Variants in BACE2 observed in about 807,000 individuals in gnomAD.
The protein encoded by BACE2 is 56 kDa aspartic-like protease.
In BACE2, 17 loss-of-function variants were observed where a neutral mutation model predicts 46.2. That is an observed-to-expected ratio of 0.37 (90% CI 0.25 to 0.55). The LOEUF (loss-of-function observed/expected upper bound fraction) is 0.55. Ranked by LOEUF, BACE2 falls within the 20% of genes least tolerant of loss-of-function variation. The pLI is 0.82. For missense variants in BACE2, 595 were observed against 698.1 expected, an observed-to-expected ratio of 0.85 and a Z score of 1.66; for synonymous variants, 277 against 295.9, an observed-to-expected ratio of 0.94 and a Z score of 0.66.
intron 7 of BACE2, among the ~76,000 whole-genome samples, chr21:41,255,352 G>A (rs944551883): frequency 1.3e-5 from 2 of 152,162 alleles, no homozygotes; most frequent in Non-Finnish European, 2.9e-5. Context: ...ACCCAAGGAG[G>A]GAAGATTGAG....
In BACE2 at chr21:41,245,968, G is replaced by A. The variant is rs376701209; in HGVS notation, c.889G>A (p.Ala297Thr). The A allele has an allele frequency of 4.2e-5, 67 of 1,608,020 alleles. No individual in the cohort carries two copies. Among genetic ancestry groups the A allele is most frequent in the Non-Finnish European group, 5.3e-5 (62 of 1,177,204 alleles). Residue 297 changes from alanine to threonine, a missense_variant, in exon 6 of 9, where the codon GCA (alanine) becomes ACA (threonine). Physicochemically the swap from Ala to Thr is moderately conservative, Grantham distance 58. Around this residue, in one of 3 missense-constraint regions of BACE2, gnomAD observed 343 missense variants for 419.4 expected, o/e 0.82. Coordinates refer to ENST00000330333, the MANE Select transcript of BACE2 (RefSeq NM_012105.5). ...SLNLDCREYNADKAIVDSGTT... is the reference protein window; with the variant it reads ...SLNLDCREYNTDKAIVDSGTT... ...CTTTCTCTCCCGGTTCAAGTATAAC[G>A]CAGACAAGGCCATCGTGGACAGTGG...
At chr21:41,232,405 A>G (rs1245247179) in intron 2 of BACE2, among the ~76,000 whole-genome samples, 1 of 152,218 alleles carries the variant, frequency 6.6e-6, no homozygotes, top group African/African-American at 2.4e-5. Context: ...GAGTAGCTCT[A>G]TAGGAGCATT....
intron 1 of BACE2, chr21:41,177,382 C>G (rs1307773124): frequency 6.6e-6 from 1 of 152,248 alleles, no homozygotes; most frequent in Non-Finnish European, 1.5e-5. Context: ...AAAATCTGTG[C>G]TCTAAAATAA....
At chr21:41,169,449 G>GAAAAAA (rs34570194) in intron 1 of BACE2, among the ~76,000 whole-genome samples, 1 of 129,840 alleles carries the variant, frequency 7.7e-6, no homozygotes. Context: ...ACAGTGATCT[G>GAAAAAA]AAAAAAAAAA....
At chr21:41,270,894 A>G (rs1190768619) in intron 8 of BACE2, among the ~76,000 whole-genome samples, 2 of 152,150 alleles carry the variant, frequency 1.3e-5, no homozygotes, top group Non-Finnish European at 1.5e-5. Flanking sequence ...TTATTGAGAA[A>G]CGGATATTGG....
At chr21:41,255,293 G>C (rs67525224) in intron 7 of BACE2, among the ~76,000 whole-genome samples, 37,596 of 151,978 alleles carry the variant, frequency 0.25, 5,414 homozygotes, top group African/African-American at 0.42. Flanking sequence ...GGGAGTCTCA[G>C]GCTAGATCAC....
At chr21:41,225,050 C>T (rs940438477) in intron 1 of BACE2, among the ~76,000 whole-genome samples, 1 of 152,026 alleles carries the variant, frequency 6.6e-6, no homozygotes, top group East Asian at 1.9e-4. Context: ...CTGGCTAACA[C>T]GGTGAAACCC....
chr21:41,215,824 T>C (rs1986448459), intron 1 of BACE2, among the ~76,000 whole-genome samples: 1 of 152,186 alleles, frequency 6.6e-6, no homozygotes, highest in African/African-American at 2.4e-5. Context: ...GAACATTCCC[T>C]GAATTTGAGA....
At chr21:41,203,552 AC>A (rs1236866171) in intron 1 of BACE2, among the ~76,000 whole-genome samples, 1 of 152,046 alleles carries the variant, frequency 6.6e-6, no homozygotes, top group Non-Finnish European at 1.5e-5. Context: ...GGTTTTGGAA[AC>A]GCCAAATGGA....
chr21:41,207,220 G>T (rs1352020385), intron 1 of BACE2, among the ~76,000 whole-genome samples: 1 of 152,202 alleles, frequency 6.6e-6, no homozygotes, highest in Non-Finnish European at 1.5e-5. Context: ...GTTCTTAGGG[G>T]TTCTTTCGGA....
chr21:41,237,555 G>A lies in BACE2; in HGVS notation c.444G>A (p.Lys148=), dbSNP rs372452043. The A allele has an allele frequency of 8.7e-6, 14 of 1,614,106 alleles. No individual in the cohort carries two copies. Among genetic ancestry groups the A allele is most frequent in the Admixed American group, 8.3e-5 (5 of 60,010 alleles). ...CCAAGGGCTTTGACGTCACAGTGAA[G>A]TACACACAAGGAAGCTGGACGGGCT... The part of the protein sequence containing the change: ...YRSKGFDVTV[K]YTQGSWTGFV... Residue 148 remains lysine (K), a synonymous_variant, in exon 3 of 9, where the codon AAG becomes AAA. Coordinates refer to ENST00000330333, the MANE Select transcript of BACE2 (RefSeq NM_012105.5).
Position 41,243,394 on chromosome 21 carries a change from C to T in BACE2, c.766C>T (p.Pro256Ser). The T allele has an allele frequency of 6.2e-7, 1 of 1,602,776 alleles. No individual in the cohort carries two copies. Among genetic ancestry groups the T allele is most frequent in the Non-Finnish European group, 8.5e-7 (1 of 1,175,430 alleles). ...GGSLVLGGIE[P>S]SLYKGDIWYT... ...GTCCCAGGTCTTGGGTGGAATTGAACCAAGTTTGTATAAAGGAGACATCTG... is the reference window on the plus strand; with the variant it reads ...GTCCCAGGTCTTGGGTGGAATTGAATCAAGTTTGTATAAAGGAGACATCTG... The change falls in exon 5 of 9, where the codon CCA (proline) becomes TCA (serine). Residue 256 changes from proline to serine, a missense_variant. Pro to Ser is a moderately conservative substitution (Grantham distance 74). Around this residue, in one of 3 missense-constraint regions of BACE2, gnomAD observed 343 missense variants for 419.4 expected, o/e 0.82. Coordinates refer to ENST00000330333, the MANE Select transcript of BACE2 (RefSeq NM_012105.5).
intron 1 of BACE2, chr21:41,185,154 A>G (rs1359021199): frequency 6.0e-6 from 1 of 167,082 alleles, no homozygotes; most frequent in African/African-American, 2.4e-5. Context: ...GCAAAAGCCT[A>G]GTTACTCTTC....
chr21:41,243,849 A>G (rs1253101244), intron 5 of BACE2, among the ~76,000 whole-genome samples: 1 of 152,202 alleles, frequency 6.6e-6, no homozygotes, highest in Non-Finnish European at 1.5e-5. Flanking sequence ...AAATAAACAG[A>G]TTTTTAATCA....
chr21:41,237,708 A>G lies in BACE2; in HGVS notation c.597A>G (p.Leu199=). ...PGIKWNGILG[L]AYATLAKPSS... ...TTAAATGGAATGGAATACTTGGCCTAGCTTATGCCACACTTGCCAAGGTAA... is the reference window on the plus strand; with the variant it reads ...TTAAATGGAATGGAATACTTGGCCTGGCTTATGCCACACTTGCCAAGGTAA... The change falls in exon 3 of 9, where the codon CTA becomes CTG. Residue 199 remains leucine (L), a synonymous_variant. Coordinates refer to ENST00000330333, the MANE Select transcript of BACE2 (RefSeq NM_012105.5). 1 of 1,614,090 alleles carries G rather than the reference A, an allele frequency of 6.2e-7. No homozygotes were observed. The highest frequency in any genetic ancestry group is 8.5e-7 in the Non-Finnish European group (1 of 1,179,912).
At chr21:41,249,852 G>A (rs73366501) in intron 6 of BACE2, among the ~76,000 whole-genome samples, 14 of 152,308 alleles carry the variant, frequency 9.2e-5, no homozygotes, top group African/African-American at 1.9e-4. Context: ...CACAGGTGTC[G>A]TTAACTTGCC....
At chr21:41,210,498 G>A (rs919191096) in intron 1 of BACE2, among the ~76,000 whole-genome samples, 9 of 152,170 alleles carry the variant, frequency 5.9e-5, no homozygotes, top group African/African-American at 1.2e-4. Flanking sequence ...CTGTTCTCAT[G>A]GCACAGCGTC....
intron 8 of BACE2, among the ~76,000 whole-genome samples, chr21:41,259,939 C>T (rs956777222): frequency 2.6e-5 from 4 of 151,838 alleles, no homozygotes; most frequent in African/African-American, 9.7e-5. Flanking sequence ...TCAGGTGATC[C>T]TCTGACCTCA....
At chr21:41,225,249 AT>A (rs1407510739) in intron 1 of BACE2, among the ~76,000 whole-genome samples, 1,774 of 150,850 alleles carry the variant, frequency 0.012, 33 homozygotes, top group African/African-American at 0.039. Flanking sequence ...AAAAAAAAAA[AT>A]ATCTAGTCTA....
Sources: allele counts gnomAD v4.1 joint callset (sites outside exome capture counted in the v4.1 genomes callset), GRCh38; gene constraint gnomAD v4.1.1; regional missense constraint gnomAD v4.1.1; transcripts MANE v1.5; gene names NCBI Gene and HGNC (gene_info 2026-07-23, HGNC 2026-07-21).